Variants in BUD31 observed in about 807,000 individuals in gnomAD.
BUD31 encodes protein BUD31 homolog.
Under a neutral mutation model 17.9 loss-of-function variants are expected in BUD31, and 9 were observed. The observed-to-expected ratio is 0.50, with a 90% CI of 0.30 to 0.88. BUD31 has a LOEUF of 0.88. Among genes scored for constraint, BUD31 ranks in the 40% least tolerant of loss-of-function variants. The probability of loss-of-function intolerance (pLI) is 0.06; values close to 1 mark genes in which losing one functional copy is unlikely to be tolerated. For missense variants in BUD31, 148 were observed against 184.5 expected, an observed-to-expected ratio of 0.80 and a Z score of 1.15; for synonymous variants, 70 against 64.7, an observed-to-expected ratio of 1.08 and a Z score of -0.39.
chr7:99,411,365 TGAAAAGGTCCTCA>T (rs2150918683), intron 3 of BUD31, 179 bp downstream of exon 3: 3 of 555,936 alleles, frequency 5.4e-6, no homozygotes, highest in Non-Finnish European at 9.5e-6. Flanking sequence ...ATAACATTAA[TGAAAAGGTCCTCA>T]GAAAAGGTGT....
At chr7:99,413,508 A>C (rs925729328) in intron 3 of BUD31, among the ~76,000 whole-genome samples, 3 of 152,262 alleles carry the variant, frequency 2.0e-5, no homozygotes, top group African/African-American at 7.2e-5. Flanking sequence ...CTGTGGGCCT[A>C]GAATTATCTT....
At chr7:99,417,722 T>C (rs1795583709) in intron 5 of BUD31, 127 bp downstream of exon 5, 1 of 1,538,850 alleles carries the variant, frequency 6.5e-7, no homozygotes, top group East Asian at 2.4e-5. Context: ...CTGCTGGCTC[T>C]CCCTCGTGGG....
At position 99,419,346 on chromosome 7, in the gene BUD31, G is replaced by A. The variant is rs566192224; in HGVS notation, c.385-45G>A. On this transcript the variant is annotated intron_variant, in intron 5 of 5. Transcript: ENST00000222969. ...GCCACATATGTGAGTGTGCAGGGGC[G>A]AGCGTGGCGCAGTGGCATCGTCTCA... is the stretch of plus-strand genomic sequence containing the variant. 23 of 1,607,924 alleles carry A rather than the reference G, an allele frequency of 1.4e-5. 1 individual carries two copies. Among genetic ancestry groups the A allele is most frequent in the South Asian group, 3.3e-5 (3 of 91,000 alleles).
chr7:99,409,383 T>C (rs539358198), intron 1 of BUD31, 138 bp downstream of exon 1: 1 of 152,452 alleles, frequency 6.6e-6, no homozygotes, highest in East Asian at 1.9e-4. Flanking sequence ...CAATCTCTCT[T>C]ACACCTCCCG....
intron 4 of BUD31, 69 bp downstream of exon 4, chr7:99,416,329 CCTT>C (rs1236972674): frequency 6.4e-7 from 1 of 1,552,682 alleles, no homozygotes; most frequent in Non-Finnish European, 8.8e-7. Flanking sequence ...TAACCACAAT[CCTT>C]ATTCTCGCAA....
At chr7:99,419,339 CA>C in intron 5 of BUD31, 51 bp from the exon 6 acceptor site, 1 of 1,602,106 alleles carries the variant, frequency 6.2e-7, no homozygotes, top group Non-Finnish European at 8.5e-7. Flanking sequence ...TGTGAGTGTG[CA>C]GGGGCGAGCG....
intron 3 of BUD31, 129 bp from the exon 4 acceptor site, chr7:99,416,009 G>T: frequency 5.3e-6 from 7 of 1,324,860 alleles, no homozygotes; most frequent in Non-Finnish European, 7.1e-6. Flanking sequence ...GCACCTGGGT[G>T]GCTTGCCACC....
At chr7:99,416,563 C>T (rs1795476623) in intron 4 of BUD31, among the ~76,000 whole-genome samples, 1 of 151,858 alleles carries the variant, frequency 6.6e-6, no homozygotes, top group Non-Finnish European at 1.5e-5. Context: ...GGATTACAGG[C>T]ACCTGCCACC....
chr7:99,417,985 C>A (rs1795601058), intron 5 of BUD31: 2 of 1,174,054 alleles, frequency 1.7e-6, no homozygotes, highest in Non-Finnish European at 2.1e-6. Flanking sequence ...CCCGCCCCCC[C>A]AAGACGGAGT....
chr7:99,415,459 G>A (rs532481207), intron 3 of BUD31, among the ~76,000 whole-genome samples: 2 of 152,152 alleles, frequency 1.3e-5, no homozygotes, highest in Admixed American at 6.5e-5. Context: ...GACTAGGAGC[G>A]TGACCACCAA....
intron 5 of BUD31, 131 bp downstream of exon 5, chr7:99,417,726 T>C (rs1795584304): frequency 1.3e-6 from 2 of 1,537,644 alleles, no homozygotes; most frequent in South Asian, 2.4e-5. Flanking sequence ...TGGCTCTCCC[T>C]CGTGGGAGTG....
chr7:99,414,618 C>T (rs933820503), intron 3 of BUD31, among the ~76,000 whole-genome samples: 30 of 151,152 alleles, frequency 2.0e-4, no homozygotes, highest in African/African-American at 5.4e-4. Context: ...TTTTTTGAGA[C>T]GGGAGTCTTG....
At chr7:99,416,114 A>AAG (rs751821155) in intron 3 of BUD31, 24 bp from the exon 4 acceptor site, 3 of 1,612,008 alleles carry the variant, frequency 1.9e-6, no homozygotes, top group Middle Eastern at 1.7e-4. Context: ...TATTCCCCCA[A>AAG]ACACACTCTT....
chr7:99,409,268 G>A (rs910311692), intron 1 of BUD31, 23 bp downstream of exon 1: 2 of 152,218 alleles, frequency 1.3e-5, no homozygotes, highest in African/African-American at 4.8e-5. Context: ...TCTGTGTTCT[G>A]ATTGTTTTTC....
chr7:99,413,105 T>C (rs1795255373), intron 3 of BUD31, among the ~76,000 whole-genome samples: 1 of 152,048 alleles, frequency 6.6e-6, no homozygotes, highest in African/African-American at 2.4e-5. Context: ...TCTTAACATG[T>C]GTACCTGCTG....
At chr7:99,412,939 TG>T (rs1037766279) in intron 3 of BUD31, among the ~76,000 whole-genome samples, 2 of 152,068 alleles carry the variant, frequency 1.3e-5, no homozygotes, top group Non-Finnish European at 2.9e-5. Flanking sequence ...GCTAATTTTT[TG>T]TAGAGATGGG....
At chr7:99,415,132 TAA>T (rs916696550) in intron 3 of BUD31, 3 of 443,732 alleles carry the variant, frequency 6.8e-6, no homozygotes, top group African/African-American at 6.1e-5. Flanking sequence ...GACAAAGAGA[TAA>T]AAGACAGCTG....
intron 2 of BUD31, among the ~76,000 whole-genome samples, chr7:99,410,858 CAG>C (rs1795153690): frequency 6.6e-6 from 1 of 152,130 alleles, no homozygotes; most frequent in Non-Finnish European, 1.5e-5. Context: ...GATGAGGAAA[CAG>C]AGGCTTAGGA....
rs768523375 is a variant in BUD31, at chr7:99,419,377, C to G, written c.385-14C>G. On this transcript the variant is annotated splice_polypyrimidine_tract_variant and intron_variant, in intron 5 of 5. Transcript: ENST00000222969. ...GGCGCAGTGGCATCGTCTCACTGTC[C>G]TCCTCCGTTGCAGGGCCGCATCATC... is the stretch of plus-strand genomic sequence containing the variant. 3.7e-6 allele frequency: 6 copies of G among 1,612,680 alleles called. No individual in the cohort carries two copies. The highest frequency in any genetic ancestry group is 2.7e-5 in the African/African-American group (2 of 74,906).
Sources: allele counts gnomAD v4.1 joint callset (sites outside exome capture counted in the v4.1 genomes callset), GRCh38; gene constraint gnomAD v4.1.1; transcripts MANE v1.5; gene names NCBI Gene and HGNC (gene_info 2026-07-23, HGNC 2026-07-21).